Variants in JAK2 observed in about 807,000 individuals in gnomAD.
JAK2 encodes the protein tyrosine-protein kinase JAK2.
JAK2 carries 86 observed loss-of-function variants against 139.3 expected under a neutral mutation model. That is an observed-to-expected ratio of 0.62 (90% CI 0.52 to 0.74). JAK2 has a LOEUF of 0.74. Among genes scored for constraint, JAK2 ranks in the 30% least tolerant of loss-of-function variants. JAK2 has a pLI of 0.00. For synonymous variants in JAK2, 490 were observed against 437.7 expected (o/e 1.12, Z -1.49); for missense variants, 1,421 against 1,360.3 (o/e 1.04, Z -0.70).
intron 2 of JAK2, among the ~76,000 whole-genome samples, chr9:4,998,723 ACCAAAAACC>A (rs1820744172): frequency 6.8e-6 from 1 of 148,136 alleles, no homozygotes; most frequent in Non-Finnish European, 1.5e-5. Flanking sequence ...ATCTCCTAAG[ACCAAAAACC>A]ACAAAAAACA....
intron 22 of JAK2, chr9:5,110,402 G>A (rs535353318): frequency 3.3e-5 from 5 of 152,330 alleles, no homozygotes; most frequent in African/African-American, 1.2e-4. Flanking sequence ...TGGGCCTTAC[G>A]ATAGTCACAA....
At chr9:5,041,340 G>A in intron 4 of JAK2, 1 of 671,164 alleles carries the variant, frequency 1.5e-6, no homozygotes, top group Non-Finnish European at 2.7e-6. Flanking sequence ...AGCTTGACAG[G>A]TACGGCGTGC....
intron 2 of JAK2, among the ~76,000 whole-genome samples, chr9:5,016,559 C>A (rs568736854): frequency 6.6e-6 from 1 of 152,170 alleles, no homozygotes; most frequent in East Asian, 1.9e-4. Context: ...TGTAAGTAAA[C>A]CTCTAATTGA....
At chr9:5,095,263 A>G (rs1820900054) in intron 22 of JAK2, among the ~76,000 whole-genome samples, 2 of 151,550 alleles carry the variant, frequency 1.3e-5, no homozygotes, top group South Asian at 4.2e-4. Context: ...CTCTCTTACT[A>G]TTTTCACAGG....
Position 5,069,052 on chromosome 9 carries a change from T to C in JAK2, c.1357T>C (p.Leu453=). The C allele has an allele frequency of 6.2e-7, 1 of 1,601,024 alleles. No individual in the cohort carries two copies. Among genetic ancestry groups the C allele is most frequent in the South Asian group, 1.1e-5 (1 of 88,706 alleles). Residue 453 remains leucine (L), a synonymous_variant, in exon 11 of 25, where the codon TTG becomes CTG. Coordinates refer to ENST00000381652, the MANE Select transcript of JAK2 (RefSeq NM_004972.4). The stretch of plus-strand genomic sequence containing the variant: ...AAATGTCATTGAATATAAACACTGT[T>C]TGATTACAAAAAATGAGAATGAAGA... ...RENVIEYKHC[L]ITKNENEEYN...
chr9:4,987,009 C>G (rs775671272), intron 2 of JAK2, among the ~76,000 whole-genome samples: 3 of 152,202 alleles, frequency 2.0e-5, no homozygotes, highest in Non-Finnish European at 4.4e-5. Context: ...GGCCTCCCTT[C>G]CCCCATCCGC....
chr9:5,013,534 A>C (rs1011304096), intron 2 of JAK2, among the ~76,000 whole-genome samples: 1 of 152,164 alleles, frequency 6.6e-6, no homozygotes, highest in Admixed American at 6.5e-5. Context: ...ACCTATCTGA[A>C]CCTTCCAATC....
chr9:5,041,204 G>C, intron 4 of JAK2: 1 of 1,457,524 alleles, frequency 6.9e-7, no homozygotes, highest in Non-Finnish European at 9.5e-7. Context: ...CGTGAAGCCC[G>C]AGAACTTCCT....
chr9:5,038,633 G>C (rs1280478265), intron 4 of JAK2, among the ~76,000 whole-genome samples: 1 of 150,400 alleles, frequency 6.6e-6, no homozygotes, highest in Non-Finnish European at 1.5e-5. Context: ...AATATTTGCA[G>C]AGTATACGCT....
At chr9:5,093,978 G>GCTAT (rs1452963293) in intron 22 of JAK2, among the ~76,000 whole-genome samples, 3 of 152,076 alleles carry the variant, frequency 2.0e-5, no homozygotes, top group Non-Finnish European at 4.4e-5. Context: ...CATAAATGAT[G>GCTAT]CTATCTCAAT....
chr9:5,080,296 A>T lies in JAK2; in HGVS notation c.2199A>T (p.Ala733=). The T allele has an allele frequency of 6.2e-7, 1 of 1,613,438 alleles. No individual in the cohort carries two copies. Among genetic ancestry groups the T allele is most frequent in the African/African-American group, 1.3e-5 (1 of 75,034 alleles). The stretch of plus-strand genomic sequence containing the variant: ...AAAATCCTAAAAATTTAAATTTGGC[A>T]ACAGACAAATGGAGTTTTGGTACCA... The part of the protein sequence containing the change: ...CIENPKNLNL[A]TDKWSFGTTL... Residue 733 remains alanine, a synonymous_variant, in exon 17 of 25, where the codon GCA becomes GCT. Coordinates refer to ENST00000381652, the MANE Select transcript of JAK2 (RefSeq NM_004972.4).
intron 10 of JAK2, among the ~76,000 whole-genome samples, chr9:5,068,567 A>G (rs763147735): frequency 6.6e-6 from 1 of 152,196 alleles, no homozygotes; most frequent in Non-Finnish European, 1.5e-5. Flanking sequence ...AGCATGAAGA[A>G]TTATCAAGGC....
intron 4 of JAK2, among the ~76,000 whole-genome samples, chr9:5,040,151 C>T (rs377098243): frequency 1.2e-4 from 19 of 152,142 alleles, no homozygotes; most frequent in Admixed American, 1.2e-3. Flanking sequence ...TATAATTTCT[C>T]ACATTGATGG....
At chr9:5,088,087 C>T (rs939986663) in intron 19 of JAK2, among the ~76,000 whole-genome samples, 2 of 152,094 alleles carry the variant, frequency 1.3e-5, no homozygotes, top group Non-Finnish European at 1.5e-5. Flanking sequence ...TCACAACAGC[C>T]TCATGAGATA....
chr9:5,076,036 G>A (rs1017852839), intron 14 of JAK2, among the ~76,000 whole-genome samples: 1 of 152,122 alleles, frequency 6.6e-6, no homozygotes, highest in African/African-American at 2.4e-5. Flanking sequence ...GGTGGAAACA[G>A]AGAACTAAGA....
At chr9:5,006,426 G>A (rs139209512) in intron 2 of JAK2, among the ~76,000 whole-genome samples, 1 of 152,100 alleles carries the variant, frequency 6.6e-6, no homozygotes, top group East Asian at 1.9e-4. Flanking sequence ...TACAATCATG[G>A]TATATTCAAT....
intron 23 of JAK2, among the ~76,000 whole-genome samples, chr9:5,125,321 A>G (rs948961510): frequency 6.6e-6 from 1 of 151,206 alleles, no homozygotes; most frequent in Non-Finnish European, 1.5e-5. Context: ...CTGTTTCATG[A>G]AGTATTACAG....
chr9:5,120,655 A>AT lies in JAK2; in HGVS notation c.3060-2347dup, dbSNP rs1161472533. 2.3e-4 allele frequency among the ~76,000 whole-genome samples: 35 copies of AT among 152,146 alleles called. 1 individual carries two copies. The highest frequency in any genetic ancestry group is 2.3e-3 in the Admixed American group (35 of 15,272). The stretch of plus-strand genomic sequence containing the variant: ...ACCCATTGGATGATCTTTGTACATT[A>AT]TTCTTCACCTTGTGTGAAGACCTCT... On this transcript the variant is annotated intron_variant, in intron 22 of 24. Coordinates refer to ENST00000381652, the MANE Select transcript of JAK2 (RefSeq NM_004972.4).
intron 22 of JAK2, chr9:5,111,256 G>A: frequency 1.9e-6 from 1 of 515,646 alleles, no homozygotes; most frequent in Non-Finnish European, 3.7e-6. Flanking sequence ...AGAGACGCAG[G>A]CGTGCGCAGC....
Sources: gnomAD v4.1 joint callset for allele counts (sites outside exome capture counted in the v4.1 genomes callset) on GRCh38, gnomAD v4.1.1 for gene constraint, MANE v1.5 for transcripts, NCBI Gene and HGNC (gene_info 2026-07-23, HGNC 2026-07-21) for gene names.